The following KCNJ1 variants were observed in gnomAD, a reference collection of about 807,000 sequenced individuals.
KCNJ1 encodes the protein potassium inwardly rectifying channel subfamily J member 1, also known as ATP-sensitive inward rectifier potassium channel 1.
A neutral mutation model predicts 21.9 loss-of-function variants in KCNJ1; 24 were observed. That is an observed-to-expected ratio of 1.10 (90% CI 0.79 to 1.54). The LOEUF (loss-of-function observed/expected upper bound fraction) is 1.54. Among genes scored for constraint, KCNJ1 ranks in the 40% most tolerant of loss-of-function variants. The pLI is 0.00. For missense variants in KCNJ1, 457 were observed against 455.4 expected (o/e 1.00, Z -0.03); for synonymous variants, 152 against 160.9 (o/e 0.94, Z 0.42).
chr11:128,852,924 C>T (rs1248593210), intron 1 of KCNJ1, among the ~76,000 whole-genome samples: 6 of 152,368 alleles, frequency 3.9e-5, no homozygotes, highest in East Asian at 1.9e-4. Context: ...CAGGAGAGGC[C>T]GGTGGTACCT....
chr11:128,861,025 T>C (rs1943697200), intron 1 of KCNJ1, among the ~76,000 whole-genome samples: 1 of 152,208 alleles, frequency 6.6e-6, no homozygotes. Flanking sequence ...GGCATCTGCC[T>C]CAAGTGTCCT....
At chr11:128,863,343 G>A (rs1943753253) in intron 1 of KCNJ1, among the ~76,000 whole-genome samples, 1 of 152,158 alleles carries the variant, frequency 6.6e-6, no homozygotes, top group Non-Finnish European at 1.5e-5. Context: ...GTATTTCAAG[G>A]ATTATTCAAA....
At chr11:128,847,073 C>T (rs553981212) in intron 2 of KCNJ1, among the ~76,000 whole-genome samples, 1 of 152,242 alleles carries the variant, frequency 6.6e-6, no homozygotes, top group South Asian at 2.1e-4. Flanking sequence ...AGTCTTCTCA[C>T]CTAGATAATA....
intron 1 of KCNJ1, among the ~76,000 whole-genome samples, chr11:128,863,997 C>T (rs1591424378): frequency 6.6e-6 from 1 of 151,620 alleles, no homozygotes; most frequent in Non-Finnish European, 1.5e-5. Flanking sequence ...GAAGGAACAA[C>T]CTTTGACCTT....
At chr11:128,864,074 CTTTTTTTTTTTTTTTT>C (rs71472076) in intron 1 of KCNJ1, among the ~76,000 whole-genome samples, 1 of 86,682 alleles carries the variant, frequency 1.2e-5, no homozygotes, top group Non-Finnish European at 2.2e-5. Flanking sequence ...CTTTTTCTCT[CTTTTTTTTTTTTTTTT>C]TTTTTTTTTT....
rs1403941814 is a variant in KCNJ1 at position 128,839,211 on chromosome 11, C to G, written c.1033G>C (p.Asp345His). ...HCAMCLYNEKDVRARMKRGYD... is the reference protein window; with the variant it reads ...HCAMCLYNEKHVRARMKRGYD... ...CCTCTCTTCATCCTGGCTCTAACAT[C>G]TTTCTCATTATAAAGGCACATGGCA... is the stretch of plus-strand genomic sequence containing the variant. Residue 345 changes from aspartate (D) to histidine (H), a missense_variant, in exon 3 of 3, where the codon GAT (aspartate) becomes CAT (histidine). By Grantham distance (81) the Asp-to-His change is moderately conservative. Transcript: ENST00000392666. 2 of 1,614,056 alleles carry G rather than the reference C, an allele frequency of 1.2e-6. No homozygotes were observed. Among genetic ancestry groups the G allele is most frequent in the African/African-American group, 2.7e-5 (2 of 74,920 alleles).
At chr11:128,861,980 A>C (rs1197997373) in intron 1 of KCNJ1, among the ~76,000 whole-genome samples, 1 of 152,062 alleles carries the variant, frequency 6.6e-6, no homozygotes, top group Non-Finnish European at 1.5e-5. Context: ...GTGGCTGCCT[A>C]TTCCCAGCTT....
chr11:128,863,050 G>A (rs1213849121), intron 1 of KCNJ1, among the ~76,000 whole-genome samples: 2 of 152,210 alleles, frequency 1.3e-5, no homozygotes, highest in Non-Finnish European at 2.9e-5. Flanking sequence ...GAAAGCTCCT[G>A]AGAATTTAAT....
chr11:128,854,511 A>T (rs1324799447), intron 1 of KCNJ1, among the ~76,000 whole-genome samples: 1 of 151,784 alleles, frequency 6.6e-6, no homozygotes, highest in African/African-American at 2.4e-5. Context: ...CACACCACAT[A>T]CACCAAGGAG....
At chr11:128,856,038 C>T (rs1056802677) in intron 1 of KCNJ1, among the ~76,000 whole-genome samples, 1 of 152,226 alleles carries the variant, frequency 6.6e-6, no homozygotes, top group Non-Finnish European at 1.5e-5. Flanking sequence ...CTCATCCCCT[C>T]CTGGAGCCTC....
chr11:128,862,503 C>T lies in KCNJ1; in HGVS notation c.-192+4670G>A, dbSNP rs948457951. Among the ~76,000 whole-genome samples the T allele has an allele frequency of 4.0e-4, 61 of 152,324 alleles. 1 individual carries two copies. The highest frequency in any genetic ancestry group is 1.2e-3 in the Admixed American group (18 of 15,308). Reference sequence around the variant, plus strand: ...CAGCCCTGTGTCCTACCGCCCCCTCCATCCCCCCCGGGGCTGCCCTAGAAG... The same window carrying T: ...CAGCCCTGTGTCCTACCGCCCCCTCTATCCCCCCCGGGGCTGCCCTAGAAG... On this transcript the variant is annotated intron_variant, in intron 1 of 2. Coordinates refer to ENST00000392666, the MANE Select transcript of KCNJ1 (RefSeq NM_153766.3).
At chr11:128,848,209 A>G (rs951255880) in intron 2 of KCNJ1, among the ~76,000 whole-genome samples, 6 of 144,700 alleles carry the variant, frequency 4.1e-5, no homozygotes, top group Non-Finnish European at 6.0e-5. Flanking sequence ...AATGGTGTGA[A>G]CCCGGGAGGC....
At position 128,840,099 on chromosome 11, in the gene KCNJ1, T is replaced by C. The variant is rs1411173632; in HGVS notation, c.145A>G (p.Ile49Val). 6.2e-7 allele frequency: 1 copy of C among 1,614,088 alleles called. No individual in the cohort carries two copies. The highest frequency in any genetic ancestry group is 2.2e-5 in the East Asian group (1 of 44,894). Reference sequence around the variant, plus strand: ...TTGAGGTCAAGTACCGTTGTCCAGATGTCCACAAAGAATATAAACCTTGAC... The same window carrying C: ...TTGAGGTCAAGTACCGTTGTCCAGACGTCCACAAAGAATATAAACCTTGAC... ...AQSRFIFFVD[I>V]WTTVLDLKWR... The change falls in exon 3 of 3, where the codon ATC becomes GTC. Residue 49 changes from isoleucine (I) to valine (V), a missense_variant. Physicochemically the swap from Ile to Val is conservative, Grantham distance 29 (BLOSUM62 3). Transcript: ENST00000392666.
intron 1 of KCNJ1, among the ~76,000 whole-genome samples, chr11:128,865,090 C>T (rs897671781): frequency 2.0e-5 from 3 of 152,106 alleles, no homozygotes; most frequent in Non-Finnish European, 4.4e-5. Context: ...AAGTCATGCT[C>T]TCTCTCATTC....
intron 1 of KCNJ1, among the ~76,000 whole-genome samples, chr11:128,852,418 G>A (rs750766362): frequency 1.6e-4 from 25 of 152,254 alleles, no homozygotes; most frequent in Non-Finnish European, 3.1e-4. Flanking sequence ...TGTTGACTCC[G>A]TTGCTATGCC....
intron 1 of KCNJ1, among the ~76,000 whole-genome samples, chr11:128,857,308 T>C (rs1334310010): frequency 6.6e-6 from 1 of 152,206 alleles, no homozygotes; most frequent in African/African-American, 2.4e-5. Context: ...TTGGCTTCTT[T>C]CCATCTCTTA....
intron 1 of KCNJ1, among the ~76,000 whole-genome samples, chr11:128,855,915 G>A (rs991605697): frequency 2.6e-5 from 4 of 152,236 alleles, no homozygotes; most frequent in Non-Finnish European, 4.4e-5. Flanking sequence ...TCACCTGCCA[G>A]ACCCAAGGAC....
chr11:128,856,094 C>T (rs1943584299), intron 1 of KCNJ1, among the ~76,000 whole-genome samples: 1 of 152,174 alleles, frequency 6.6e-6, no homozygotes, highest in Non-Finnish European at 1.5e-5. Context: ...GAAAAGACAG[C>T]AGGCTCTGAG....
chr11:128,852,764 C>T (rs868029463), intron 1 of KCNJ1, among the ~76,000 whole-genome samples: 4 of 152,268 alleles, frequency 2.6e-5, no homozygotes, highest in East Asian at 1.9e-4. Context: ...TTCCCAGCTG[C>T]GTCCTCCAGC....
Sources: gnomAD v4.1 joint callset for allele counts (sites outside exome capture counted in the v4.1 genomes callset) on GRCh38, gnomAD v4.1.1 for gene constraint, MANE v1.5 for transcripts, NCBI Gene and HGNC (gene_info 2026-07-23, HGNC 2026-07-21) for gene names.